SPNS3: variants seen among roughly 807,000 people sequenced by gnomAD.
SPNS3 encodes SPNS lysolipid transporter 3, sphingosine-1-phosphate (putative).
A neutral mutation model predicts 54.4 loss-of-function variants in SPNS3; 51 were observed. That is an observed-to-expected ratio of 0.94 (90% CI 0.75 to 1.18). SPNS3 has a LOEUF of 1.18. SPNS3 is among the 50% of genes most tolerant of loss of function. The pLI, the probability that SPNS3 is intolerant of heterozygous loss-of-function variation, is 0.00. For missense variants in SPNS3, 669 were observed against 677.4 expected (o/e 0.99, Z 0.14); for synonymous variants, 309 against 294.7 (o/e 1.05, Z -0.50).
intron 1 of SPNS3, 79 bp downstream of exon 1, chr17:4,434,245 C>T (rs1970658375): frequency 7.4e-7 from 1 of 1,343,044 alleles, no homozygotes; most frequent in Non-Finnish European, 1.0e-6. Flanking sequence ...TGGTGGCCTT[C>T]CAGCCATCAC....
At chr17:4,455,807 G>A (rs1971296356) in intron 8 of SPNS3, among the ~76,000 whole-genome samples, 2 of 152,136 alleles carry the variant, frequency 1.3e-5, no homozygotes, top group African/African-American at 2.4e-5. Flanking sequence ...TCCTAAAGAC[G>A]TCTTCTATGC....
rs1214779484 is a variant in SPNS3 at position 4,467,040 on chromosome 17, A to ATGCGGAGGGCAGCCTG, written c.1114-11523_1114-11508dup. Among the ~76,000 whole-genome samples the ATGCGGAGGGCAGCCTG allele has an allele frequency of 6.4e-4, 97 of 152,268 alleles. 1 individual carries two copies. Among genetic ancestry groups the ATGCGGAGGGCAGCCTG allele is most frequent in the African/African-American group, 1.9e-3 (77 of 41,572 alleles). ...GGGGTGGAGCGGGGAAGCGCAGTCC[A>ATGCGGAGGGCAGCCTG]TGCGGAGGGCAGCCTGTGCGGAGGC... On this transcript the variant is annotated intron_variant, in intron 8 of 11. Coordinates refer to ENST00000355530, the MANE Select transcript of SPNS3 (RefSeq NM_182538.5).
chr17:4,443,717 C>G (rs1322311481), intron 2 of SPNS3, among the ~76,000 whole-genome samples: 3 of 152,248 alleles, frequency 2.0e-5, no homozygotes, highest in Non-Finnish European at 4.4e-5. Flanking sequence ...AACTTAGTCC[C>G]AGAAGTTGCG....
At chr17:4,467,139 C>T (rs1015894872) in intron 8 of SPNS3, among the ~76,000 whole-genome samples, 3 of 151,728 alleles carry the variant, frequency 2.0e-5, no homozygotes, top group Admixed American at 2.0e-4. Context: ...GCAGCAGAGG[C>T]GATGAAGTCA....
intron 8 of SPNS3, among the ~76,000 whole-genome samples, chr17:4,458,485 C>CTTCT (rs530203347): frequency 5.1e-4 from 34 of 66,192 alleles, no homozygotes; most frequent in African/African-American, 9.4e-4. Flanking sequence ...TCTTTCTTTT[C>CTTCT]TTCTTTCTTT....
At chr17:4,438,900 ATGAG>A (rs1970779311) in intron 1 of SPNS3, among the ~76,000 whole-genome samples, 1 of 151,748 alleles carries the variant, frequency 6.6e-6, no homozygotes, top group South Asian at 2.1e-4. Context: ...GTCTGGGTGT[ATGAG>A]TGAGGCTGGG....
At chr17:4,444,392 T>A (rs1970928145) in intron 2 of SPNS3, among the ~76,000 whole-genome samples, 1 of 145,056 alleles carries the variant, frequency 6.9e-6, no homozygotes, top group African/African-American at 2.5e-5. Flanking sequence ...TTTTTTTGTA[T>A]TTTTTTTTTT....
In SPNS3 at chr17:4,467,140, GATGAAGT is replaced by G. The variant is rs1399806535; in HGVS notation, c.1114-11431_1114-11425del. ...GGGTCAGCCAGGGAGCAGCAGAGGC[GATGAAGT>G]CAGAGGTCACGGTGATGGGGGAGTG... is the stretch of plus-strand genomic sequence containing the variant. On this transcript the variant is annotated intron_variant, in intron 8 of 11. Transcript: ENST00000355530. Among the ~76,000 whole-genome samples, 3 of 152,232 alleles carry G rather than the reference GATGAAGT, an allele frequency of 2.0e-5. No individual in the cohort carries two copies. The East Asian group carries it at 5.8e-4, about 29-fold the overall frequency.
At chr17:4,447,806 A>G (rs1971038229) in intron 5 of SPNS3, among the ~76,000 whole-genome samples, 1 of 152,138 alleles carries the variant, frequency 6.6e-6, no homozygotes, top group Admixed American at 6.5e-5. Context: ...GATCAGCTCT[A>G]GGACAGCAAG....
At chr17:4,463,407 AAAAAC>A (rs1555531340) in intron 8 of SPNS3, among the ~76,000 whole-genome samples, 41 of 143,880 alleles carry the variant, frequency 2.8e-4, no homozygotes, top group African/African-American at 9.9e-4. Flanking sequence ...AAAAAAAAAA[AAAAAC>A]AAAACAAAAC....
intron 1 of SPNS3, among the ~76,000 whole-genome samples, chr17:4,434,557 C>T (rs986154433): frequency 8.6e-5 from 13 of 151,862 alleles, no homozygotes; most frequent in Non-Finnish European, 1.9e-4. Context: ...AGTGTAGTGG[C>T]GCAATCTCAG....
chr17:4,434,096 G>A lies in SPNS3; in HGVS notation c.129G>A (p.Arg43=). 2 of 1,612,354 alleles carry A rather than the reference G, an allele frequency of 1.2e-6. No individual in the cohort carries two copies. The highest frequency in any genetic ancestry group is 1.1e-5 in the South Asian group (1 of 90,820). The part of the protein sequence containing the change: ...TPTSWSLPPW[R]AYVAAAVLCY... The stretch of plus-strand genomic sequence containing the variant: ...CCTCCTGGAGCCTGCCCCCGTGGAG[G>A]GCCTACGTGGCTGCCGCCGTCCTCT... The change falls in exon 1 of 12, where the codon AGG becomes AGA. Residue 43 remains arginine, a synonymous_variant. Transcript: ENST00000355530.
rs867247188 is a variant in SPNS3 at position 4,455,405 on chromosome 17, C to T, written c.1113+2200C>T. Among the ~76,000 whole-genome samples, 15 of 152,320 alleles carry T rather than the reference C, an allele frequency of 9.8e-5. No individual in the cohort carries two copies. In the Middle Eastern group the frequency reaches 0.01, roughly 104 times the overall value. On this transcript the variant is annotated intron_variant, in intron 8 of 11. Coordinates refer to ENST00000355530, the MANE Select transcript of SPNS3 (RefSeq NM_182538.5). ...GAACAGGCCAAGTATTGCCTGTGTCCGGAGCTGTTTCTGCTGACTGTCGGT... is the reference window on the plus strand; with the variant it reads ...GAACAGGCCAAGTATTGCCTGTGTCTGGAGCTGTTTCTGCTGACTGTCGGT...
chr17:4,449,770 T>G (rs1400170857), intron 7 of SPNS3, among the ~76,000 whole-genome samples: 2 of 152,000 alleles, frequency 1.3e-5, no homozygotes, highest in African/African-American at 4.8e-5. Context: ...GGGCATCCCA[T>G]TTTACAGATG....
chr17:4,448,677 C>T (rs1971070942), intron 6 of SPNS3, among the ~76,000 whole-genome samples: 1 of 152,238 alleles, frequency 6.6e-6, no homozygotes, highest in African/African-American at 2.4e-5. Flanking sequence ...GAATTCATCA[C>T]TCACCTCTCC....
chr17:4,483,239 G>A lies in SPNS3; in HGVS notation c.1180-2989G>A, dbSNP rs986441795. On this transcript the variant is annotated intron_variant, in intron 9 of 11. Coordinates refer to ENST00000355530, the MANE Select transcript of SPNS3 (RefSeq NM_182538.5). The surrounding 1 kb of genome is among the most constrained non-coding windows in gnomAD (Gnocchi z 4.2). ...CAAGCCCTTGGGTGGCCCTGGTTTC[G>A]CCCTCGGCTATAAAGGGAACGGCCC... Among the ~76,000 whole-genome samples the A allele has an allele frequency of 7.2e-5, 11 of 152,162 alleles. No individual in the cohort carries two copies. The highest frequency in any genetic ancestry group is 1.3e-4 in the Admixed American group (2 of 15,274).
chr17:4,467,353 A>G (rs1034632077), intron 8 of SPNS3, among the ~76,000 whole-genome samples: 1 of 151,744 alleles, frequency 6.6e-6, no homozygotes. Flanking sequence ...AACAATGCCC[A>G]ATTATTTCTG....
At chr17:4,458,137 C>A (rs1263358368) in intron 8 of SPNS3, among the ~76,000 whole-genome samples, 5 of 151,924 alleles carry the variant, frequency 3.3e-5, no homozygotes, top group Middle Eastern at 3.4e-3. Flanking sequence ...CCCAGGCCTA[C>A]CCTCCTCTCC....
At chr17:4,476,274 C>A (rs1971998066) in intron 8 of SPNS3, among the ~76,000 whole-genome samples, 1 of 152,188 alleles carries the variant, frequency 6.6e-6, no homozygotes, top group South Asian at 2.1e-4. Context: ...TCTGAGGAGA[C>A]CTGGCATCGT....
Sources: allele counts gnomAD v4.1 joint callset (sites outside exome capture counted in the v4.1 genomes callset), GRCh38; gene constraint gnomAD v4.1.1; non-coding constraint Gnocchi (gnomAD v3.1); transcripts MANE v1.5; gene names NCBI Gene and HGNC (gene_info 2026-07-23, HGNC 2026-07-21).